The following CABCOCO1 variants were observed in gnomAD, a reference collection of about 807,000 sequenced individuals.
CABCOCO1 encodes ciliary-associated calcium-binding coiled-coil protein 1.
In CABCOCO1, 28 loss-of-function variants were observed where a neutral mutation model predicts 35.7. The ratio of observed to expected loss-of-function variants is 0.78; its 90% confidence interval spans 0.58 to 1.07. CABCOCO1 has a LOEUF of 1.07. Ranked by LOEUF, CABCOCO1 falls within the 50% of genes least tolerant of loss-of-function variation. The pLI is 0.00. For synonymous variants in CABCOCO1, 95 were observed against 100.1 expected, an observed-to-expected ratio of 0.95 and a Z score of 0.30; for missense variants, 326 against 309.2, an observed-to-expected ratio of 1.05 and a Z score of -0.41.
chr10:61,747,746 T>C (rs956197037), intron 5 of CABCOCO1, among the ~76,000 whole-genome samples: 3 of 152,188 alleles, frequency 2.0e-5, no homozygotes, highest in African/African-American at 4.8e-5. Context: ...ATGTGCTGTT[T>C]TCTGATTTTC....
chr10:61,681,151 G>C lies in CABCOCO1; in HGVS notation c.173G>C (p.Arg58Thr). The change falls in exon 3 of 8, where the codon AGA (arginine) becomes ACA (threonine). Residue 58 changes from arginine (R) to threonine (T), a missense_variant. Transcript: ENST00000648843. ...TTTGTTTTATTTTACAGAAAACTGA[G>C]AATATTTTTGAATTTCAAAAACCTT... is the stretch of plus-strand genomic sequence containing the variant. Reference protein sequence around the residue: ...EDIDGVQEKLRIFLNFKNLET... With the variant: ...EDIDGVQEKLTIFLNFKNLET... The C allele has an allele frequency of 6.9e-7, 1 of 1,443,800 alleles. No individual in the cohort carries two copies. The highest frequency in any genetic ancestry group is 1.4e-5 in the South Asian group (1 of 73,630). 89.4% of individuals were successfully genotyped at this position (1,443,800 alleles called of 1,614,324 possible). A position where few individuals can be genotyped will look rare whatever the true frequency, so the allele number is the denominator to read the frequency against.
chr10:61,708,066 C>A (rs1840636368), intron 5 of CABCOCO1, among the ~76,000 whole-genome samples: 2 of 151,800 alleles, frequency 1.3e-5, no homozygotes, highest in South Asian at 4.2e-4. Flanking sequence ...AGTAAGTTTG[C>A]CTTGGGCATT....
At chr10:61,705,661 G>C (rs1272598990) in intron 5 of CABCOCO1, among the ~76,000 whole-genome samples, 1 of 152,196 alleles carries the variant, frequency 6.6e-6, no homozygotes, top group Non-Finnish European at 1.5e-5. Flanking sequence ...GTGGATCAAG[G>C]AAGGCTCCTG....
chr10:61,668,802 A>G (rs756904239), intron 1 of CABCOCO1, among the ~76,000 whole-genome samples: 2 of 150,066 alleles, frequency 1.3e-5, no homozygotes, highest in Non-Finnish European at 3.0e-5. Flanking sequence ...TGGGCACAGA[A>G]TTGAAGGAAG....
At chr10:61,751,418 G>A (rs1246830292) in intron 5 of CABCOCO1, among the ~76,000 whole-genome samples, 1 of 151,974 alleles carries the variant, frequency 6.6e-6, no homozygotes, top group African/African-American at 2.4e-5. Context: ...GAGTTTTATG[G>A]CTGACTTAAT....
intron 5 of CABCOCO1, among the ~76,000 whole-genome samples, chr10:61,756,251 A>C (rs1415955392): frequency 6.6e-6 from 1 of 152,086 alleles, no homozygotes; most frequent in Non-Finnish European, 1.5e-5. Flanking sequence ...CTTAAATAAC[A>C]CTAATGCAAT....
intron 1 of CABCOCO1, among the ~76,000 whole-genome samples, chr10:61,664,403 T>C (rs902956538): frequency 3.3e-5 from 5 of 152,156 alleles, no homozygotes; most frequent in African/African-American, 7.2e-5. Flanking sequence ...ATCTGGACTT[T>C]AAAAAAATAC....
intron 5 of CABCOCO1, among the ~76,000 whole-genome samples, chr10:61,753,086 CT>C (rs1373667757): frequency 6.6e-6 from 1 of 152,052 alleles, no homozygotes; most frequent in Non-Finnish European, 1.5e-5. Flanking sequence ...ATTATCGGTA[CT>C]TATTCAAAAA....
chr10:61,684,465 A>G (rs755155404), intron 3 of CABCOCO1, among the ~76,000 whole-genome samples: 1 of 152,160 alleles, frequency 6.6e-6, no homozygotes, highest in Non-Finnish European at 1.5e-5. Context: ...TAATCCAGAA[A>G]TACCTGGTCC....
chr10:61,760,224 A>T, intron 6 of CABCOCO1, 43 bp downstream of exon 6: 1 of 1,593,154 alleles, frequency 6.3e-7, no homozygotes, highest in Non-Finnish European at 8.6e-7. Flanking sequence ...CCTCATCATT[A>T]TATTCTCTTG....
At chr10:61,669,981 T>C (rs1170827180) in intron 1 of CABCOCO1, among the ~76,000 whole-genome samples, 1 of 152,156 alleles carries the variant, frequency 6.6e-6, no homozygotes, top group Non-Finnish European at 1.5e-5. Context: ...AATTAATCAG[T>C]AGTCAAACTA....
At chr10:61,733,854 G>C (rs928418085) in intron 5 of CABCOCO1, among the ~76,000 whole-genome samples, 5 of 152,048 alleles carry the variant, frequency 3.3e-5, no homozygotes, top group African/African-American at 1.2e-4. Flanking sequence ...CCTGAACTAG[G>C]AAGATAAATT....
intron 5 of CABCOCO1, among the ~76,000 whole-genome samples, chr10:61,702,575 C>T (rs1316106261): frequency 6.6e-6 from 1 of 151,940 alleles, no homozygotes; most frequent in African/African-American, 2.4e-5. Context: ...GTAAGTCAAC[C>T]AAGACTCTAG....
chr10:61,751,144 A>T (rs954397543), intron 5 of CABCOCO1, among the ~76,000 whole-genome samples: 1 of 151,674 alleles, frequency 6.6e-6, no homozygotes, highest in Non-Finnish European at 1.5e-5. Context: ...CAGCACAGGC[A>T]ATACAGGGCT....
chr10:61,764,916 C>G (rs1273080718), intron 7 of CABCOCO1, among the ~76,000 whole-genome samples: 1 of 152,158 alleles, frequency 6.6e-6, no homozygotes, highest in East Asian at 1.9e-4. Flanking sequence ...TCACAACTAT[C>G]TGTTATAGTT....
chr10:61,704,625 C>T (rs1354374996), intron 5 of CABCOCO1, among the ~76,000 whole-genome samples: 1 of 152,188 alleles, frequency 6.6e-6, no homozygotes, highest in Non-Finnish European at 1.5e-5. Context: ...CATAGCTAAA[C>T]TGCGCTCAGA....
intron 5 of CABCOCO1, among the ~76,000 whole-genome samples, chr10:61,714,575 G>C (rs1840813697): frequency 1.3e-5 from 2 of 151,972 alleles, no homozygotes; most frequent in African/African-American, 4.8e-5. Context: ...GTTTGTTCTT[G>C]CTTCTCTAGT....
At chr10:61,749,709 C>T (rs1462186616) in intron 5 of CABCOCO1, among the ~76,000 whole-genome samples, 8 of 152,144 alleles carry the variant, frequency 5.3e-5, no homozygotes, top group Admixed American at 3.9e-4. Context: ...ACTAGGGTTC[C>T]CCTTCCCCCT....
intron 5 of CABCOCO1, among the ~76,000 whole-genome samples, chr10:61,742,277 C>T (rs1348487050): frequency 6.6e-6 from 1 of 151,982 alleles, no homozygotes; most frequent in East Asian, 1.9e-4. Flanking sequence ...TCCATGCTGC[C>T]TATTGTATTG....
Sources: gnomAD v4.1 joint callset for allele counts (sites outside exome capture counted in the v4.1 genomes callset) on GRCh38, gnomAD v4.1.1 for gene constraint, MANE v1.5 for transcripts, NCBI Gene and HGNC (gene_info 2026-07-23, HGNC 2026-07-21) for gene names.